The following DYM variants were observed in gnomAD, a reference collection of about 807,000 sequenced individuals.
DYM encodes dyggve-Melchior-Clausen syndrome protein.
Under a neutral mutation model 93.1 loss-of-function variants are expected in DYM, and 78 were observed. The ratio of observed to expected loss-of-function variants is 0.84; its 90% CI spans 0.70 to 1.01. The LOEUF (loss-of-function observed/expected upper bound fraction) is 1.01. Ranked by LOEUF, DYM falls within the 50% of genes least tolerant of loss-of-function variation. The pLI is 0.00. For synonymous variants in DYM, 321 were observed against 319.7 expected, an observed-to-expected ratio of 1.00 and a Z score of -0.04; for missense variants, 789 against 845.0, an observed-to-expected ratio of 0.93 and a Z score of 0.82.
rs2081787551 is a variant in DYM at position 49,443,019 on chromosome 18, G to A, written c.-53-12572C>T. 2.0e-5 allele frequency among the ~76,000 whole-genome samples: 3 copies of A among 151,834 alleles called. No homozygotes were observed. In the South Asian group the frequency reaches 6.2e-4, roughly 32 times the overall value. On this transcript the variant is annotated intron_variant, in intron 1 of 17. Transcript: ENST00000675505. The stretch of plus-strand genomic sequence containing the variant: ...ACTACAGGCATGCACCACCATGCCT[G>A]GCTAATTTTTGTATTTTCAGGTTTC...
chr18:49,077,484 C>A (rs1270565152), intron 17 of DYM, among the ~76,000 whole-genome samples: 1 of 152,048 alleles, frequency 6.6e-6, no homozygotes, highest in South Asian at 2.1e-4. Flanking sequence ...GTGAAATGTT[C>A]TGGGAATATC....
intron 1 of DYM, among the ~76,000 whole-genome samples, chr18:49,433,151 A>G (rs1199930308): frequency 6.6e-6 from 1 of 152,202 alleles, no homozygotes; most frequent in Admixed American, 6.5e-5. Flanking sequence ...GACAAGAGTC[A>G]AAACAGCTCC....
chr18:49,104,995 T>C (rs111601223), intron 16 of DYM, among the ~76,000 whole-genome samples: 1 of 152,346 alleles, frequency 6.6e-6, no homozygotes, highest in Admixed American at 6.5e-5. Flanking sequence ...TACCAGCTCC[T>C]CTTTGTACCT....
At chr18:49,195,480 C>A (rs1416867365) in intron 14 of DYM, among the ~76,000 whole-genome samples, 3 of 152,124 alleles carry the variant, frequency 2.0e-5, no homozygotes, top group Non-Finnish European at 4.4e-5. Flanking sequence ...TTCAGTACCA[C>A]AGAACAACAG....
intron 11 of DYM, among the ~76,000 whole-genome samples, chr18:49,259,387 C>T (rs1023530690): frequency 1.1e-4 from 16 of 152,164 alleles, no homozygotes; most frequent in East Asian, 9.6e-4. Context: ...GGACAGAACA[C>T]GTTAAATACC....
At chr18:49,244,630 CATATT>C (rs1467269023) in intron 13 of DYM, among the ~76,000 whole-genome samples, 2 of 151,962 alleles carry the variant, frequency 1.3e-5, no homozygotes, top group African/African-American at 4.8e-5. Context: ...AAATAATACT[CATATT>C]ATTGGATAAC....
chr18:49,242,708 T>C (rs905903204), intron 13 of DYM, among the ~76,000 whole-genome samples: 9 of 152,140 alleles, frequency 5.9e-5, no homozygotes, highest in Non-Finnish European at 1.0e-4. Context: ...TTTGTTTGTT[T>C]TTGTTTTTTG....
intron 14 of DYM, among the ~76,000 whole-genome samples, chr18:49,169,087 A>G (rs2088304436): frequency 6.6e-6 from 1 of 152,158 alleles, no homozygotes; most frequent in African/African-American, 2.4e-5. Flanking sequence ...AGTGAGTCAA[A>G]TATTTACCCA....
chr18:49,260,562 A>G (rs901805454), intron 11 of DYM, among the ~76,000 whole-genome samples: 1 of 152,232 alleles, frequency 6.6e-6, no homozygotes, highest in Non-Finnish European at 1.5e-5. Flanking sequence ...CAACATTCCA[A>G]GAAAAAAATC....
chr18:49,215,927 G>C (rs368293638), intron 13 of DYM, among the ~76,000 whole-genome samples: 5 of 152,224 alleles, frequency 3.3e-5, no homozygotes, highest in African/African-American at 1.2e-4. Context: ...CGCACCGTGC[G>C]GGAGCCGAAG....
chr18:49,358,207 G>C (rs2065732511), intron 6 of DYM, among the ~76,000 whole-genome samples: 2 of 152,112 alleles, frequency 1.3e-5, no homozygotes, highest in South Asian at 4.2e-4. Context: ...CAGAATGAGA[G>C]GGCAGCTATT....
At chr18:49,187,218 G>A (rs534704097) in intron 14 of DYM, among the ~76,000 whole-genome samples, 85 of 152,116 alleles carry the variant, frequency 5.6e-4, no homozygotes, top group African/African-American at 2.0e-3. Context: ...GCGCCCGGCC[G>A]CTGCTGGTAC....
intron 16 of DYM, among the ~76,000 whole-genome samples, chr18:49,106,955 C>A (rs1391229603): frequency 6.6e-6 from 1 of 152,164 alleles, no homozygotes; most frequent in Non-Finnish European, 1.5e-5. Context: ...GTTGGCCTGC[C>A]TTGCTAGATT....
chr18:49,187,003 T>G (rs2090506606), intron 14 of DYM, among the ~76,000 whole-genome samples: 1 of 146,260 alleles, frequency 6.8e-6, no homozygotes, highest in African/African-American at 2.6e-5. Context: ...CACTGCAAGC[T>G]CCGCTTCCTG....
chr18:49,230,106 A>T (rs998575602), intron 13 of DYM, among the ~76,000 whole-genome samples: 3 of 152,162 alleles, frequency 2.0e-5, no homozygotes, highest in Non-Finnish European at 4.4e-5. Context: ...GGAGATGAAC[A>T]TATTATCTTC....
At chr18:49,210,645 C>A (rs2092735646) in intron 13 of DYM, among the ~76,000 whole-genome samples, 1 of 152,068 alleles carries the variant, frequency 6.6e-6, no homozygotes, top group African/African-American at 2.4e-5. Flanking sequence ...TGTCAAAAAC[C>A]AAAGAATATA....
intron 6 of DYM, among the ~76,000 whole-genome samples, chr18:49,357,490 C>T (rs529664666): frequency 6.6e-6 from 1 of 152,166 alleles, no homozygotes; most frequent in Non-Finnish European, 1.5e-5. Context: ...CTTCCAGTAG[C>T]CCCTTTCTAC....
chr18:49,305,065 G>A (rs1263723256), intron 8 of DYM, among the ~76,000 whole-genome samples: 2 of 152,004 alleles, frequency 1.3e-5, no homozygotes, highest in Non-Finnish European at 1.5e-5. Flanking sequence ...TTTTTGACCC[G>A]CTCTGTTATC....
chr18:49,210,113 T>C (rs575150198), intron 13 of DYM, among the ~76,000 whole-genome samples: 1 of 152,336 alleles, frequency 6.6e-6, no homozygotes, highest in South Asian at 2.1e-4. Context: ...CTGGTGGAAA[T>C]GCACAATGGT....
Sources: gnomAD v4.1 joint callset for allele counts (sites outside exome capture counted in the v4.1 genomes callset) on GRCh38, gnomAD v4.1.1 for gene constraint, MANE v1.5 for transcripts, NCBI Gene and HGNC (gene_info 2026-07-23, HGNC 2026-07-21) for gene names.